Variants in ZBTB38 observed in about 807,000 individuals in gnomAD.
The protein encoded by ZBTB38 is zinc finger and BTB domain-containing protein 38.
In ZBTB38, 20 loss-of-function variants were observed where a neutral mutation model predicts 76.8. The observed-to-expected ratio is 0.26, with a 90% CI of 0.18 to 0.38. The LOEUF (loss-of-function observed/expected upper bound fraction) is 0.38, where lower values mean the gene tolerates loss of function less well. Ranked by LOEUF, ZBTB38 falls within the 10% of genes least tolerant of loss-of-function variation. The pLI is 1.00. For synonymous variants in ZBTB38, 504 were observed against 544.2 expected (o/e 0.93, Z 1.03); for missense variants, 1,082 against 1,482.3 (o/e 0.73, Z 4.43).
intron 2 of ZBTB38, among the ~76,000 whole-genome samples, chr3:141,380,004 AC>A (rs1945960440): frequency 6.6e-6 from 1 of 152,216 alleles, no homozygotes; most frequent in Admixed American, 6.5e-5. Flanking sequence ...AATTCAATTA[AC>A]CTATAACTAT....
At chr3:141,420,515 T>C (rs185510448) in intron 5 of ZBTB38, among the ~76,000 whole-genome samples, 19 of 152,328 alleles carry the variant, frequency 1.2e-4, no homozygotes, top group Admixed American at 1.0e-3. Context: ...TCCAAACATA[T>C]TGATGGATTA....
intron 1 of ZBTB38, among the ~76,000 whole-genome samples, chr3:141,369,414 A>G (rs558670375): frequency 3.3e-5 from 5 of 152,350 alleles, no homozygotes; most frequent in African/African-American, 1.2e-4. Flanking sequence ...ATCTGGGATG[A>G]TATTAAGCAC....
At chr3:141,403,020 A>C (rs1170702721) in intron 4 of ZBTB38, 1 of 152,164 alleles carries the variant, frequency 6.6e-6, no homozygotes, top group Non-Finnish European at 1.5e-5. Flanking sequence ...CTGCAGTAGT[A>C]AGGTCTGCTC....
intron 1 of ZBTB38, among the ~76,000 whole-genome samples, chr3:141,343,402 G>A (rs534764774): frequency 6.6e-6 from 1 of 152,288 alleles, no homozygotes; most frequent in African/African-American, 2.4e-5. Context: ...TAGGTCATGA[G>A]AGCCAGGGAG....
intron 2 of ZBTB38, among the ~76,000 whole-genome samples, chr3:141,376,130 C>G (rs1186509005): frequency 6.6e-6 from 1 of 152,200 alleles, no homozygotes; most frequent in Non-Finnish European, 1.5e-5. Context: ...GCCCGGCTTC[C>G]TCTCATCCCA....
intron 1 of ZBTB38, among the ~76,000 whole-genome samples, chr3:141,349,120 C>A (rs1301747709): frequency 2.0e-5 from 3 of 152,112 alleles, no homozygotes; most frequent in Admixed American, 6.6e-5. Context: ...GCCAGACAGG[C>A]CCTCCTCTAC....
rs113164235 is a variant in ZBTB38 at position 141,357,180 on chromosome 3, A to T, written c.-738-11441A>T. On this transcript the variant is annotated intron_variant, in intron 1 of 7. Coordinates refer to the ZBTB38 transcript ENST00000509842. ...TCTCCATTTCCCTGACGCTAGTGAT[A>T]TTGAACATGTTTTATATACTATTTG... 2.1e-3 allele frequency among the ~76,000 whole-genome samples: 315 copies of T among 152,322 alleles called. 4 individuals are homozygous for T. The highest frequency in any genetic ancestry group is 7.3e-3 in the African/African-American group (302 of 41,572).
At chr3:141,327,060 C>T (rs1942696255) in intron 1 of ZBTB38, among the ~76,000 whole-genome samples, 1 of 152,100 alleles carries the variant, frequency 6.6e-6, no homozygotes, top group Non-Finnish European at 1.5e-5. Flanking sequence ...ATATTAAGTC[C>T]CATAAAAGGT....
At chr3:141,430,539 G>A (rs531965110) in intron 5 of ZBTB38, among the ~76,000 whole-genome samples, 1 of 152,208 alleles carries the variant, frequency 6.6e-6, no homozygotes, top group Non-Finnish European at 1.5e-5. Context: ...CTTTTCAGGC[G>A]CATCATCTCA....
chr3:141,405,302 C>T (rs887633437), intron 5 of ZBTB38, among the ~76,000 whole-genome samples: 1 of 152,192 alleles, frequency 6.6e-6, no homozygotes, highest in Non-Finnish European at 1.5e-5. Flanking sequence ...TTGACCCATA[C>T]GTAGAATTCC....
At chr3:141,405,255 TA>T (rs1269914606) in intron 5 of ZBTB38, among the ~76,000 whole-genome samples, 2 of 152,260 alleles carry the variant, frequency 1.3e-5, no homozygotes, top group African/African-American at 4.8e-5. Context: ...TTTCTATTGT[TA>T]ATATGCTAGA....
intron 4 of ZBTB38, among the ~76,000 whole-genome samples, chr3:141,400,256 A>C (rs762959333): frequency 2.0e-5 from 3 of 152,232 alleles, no homozygotes; most frequent in Non-Finnish European, 4.4e-5. Flanking sequence ...TGTGTTGTTT[A>C]AAACTGTTGC....
At chr3:141,402,249 C>G (rs927053073) in intron 4 of ZBTB38, 2 of 151,978 alleles carry the variant, frequency 1.3e-5, no homozygotes, top group Non-Finnish European at 2.9e-5. Flanking sequence ...GCCCCGGGCC[C>G]GCGGGGCTGC....
intron 1 of ZBTB38, among the ~76,000 whole-genome samples, chr3:141,358,295 G>A (rs1202745684): frequency 6.6e-6 from 1 of 152,172 alleles, no homozygotes; most frequent in Non-Finnish European, 1.5e-5. Flanking sequence ...CCAAGATGGT[G>A]GGAGGGATCC....
At chr3:141,385,684 G>A (rs576821981) in intron 3 of ZBTB38, among the ~76,000 whole-genome samples, 4 of 151,936 alleles carry the variant, frequency 2.6e-5, no homozygotes, top group South Asian at 2.1e-4. Context: ...GTGTGTGCGC[G>A]TGTGTTGATA....
upstream of ZBTB38, chr3:141,367,827 C>CTACTA (rs1944027299): frequency 6.6e-6 from 1 of 152,206 alleles, no homozygotes; most frequent in Admixed American, 6.5e-5. Flanking sequence ...TATGTGTCCT[C>CTACTA]TACTATTTTA....
At chr3:141,398,512 CT>C (rs1335870426) in intron 4 of ZBTB38, among the ~76,000 whole-genome samples, 1 of 152,032 alleles carries the variant, frequency 6.6e-6, no homozygotes, top group African/African-American at 2.4e-5. Flanking sequence ...ATTTTAAATA[CT>C]TTTATTAACA....
chr3:141,378,603 G>C (rs1041159928), intron 2 of ZBTB38, among the ~76,000 whole-genome samples: 14 of 152,318 alleles, frequency 9.2e-5, no homozygotes, highest in East Asian at 3.9e-4. Context: ...TTTAAAACAG[G>C]GTTCTCCCAC....
intron 5 of ZBTB38, among the ~76,000 whole-genome samples, chr3:141,404,575 C>T (rs910212379): frequency 6.6e-6 from 1 of 152,154 alleles, no homozygotes; most frequent in Non-Finnish European, 1.5e-5. Context: ...TACCTTGGAG[C>T]CATATACAAG....
Sources: gnomAD v4.1 joint callset for allele counts (sites outside exome capture counted in the v4.1 genomes callset) on GRCh38, gnomAD v4.1.1 for gene constraint, MANE v1.5 for transcripts, NCBI Gene and HGNC (gene_info 2026-07-23, HGNC 2026-07-21) for gene names.